AK9: variants seen among roughly 807,000 people sequenced by gnomAD.
AK9 encodes adenylate kinase 9, also known as adenylate kinase domain containing 1.
Under a neutral mutation model 239.6 loss-of-function variants are expected in AK9, and 191 were observed. The observed-to-expected ratio is 0.80, with a 90% CI of 0.71 to 0.90. AK9 has a LOEUF of 0.90. Among genes scored for constraint, AK9 ranks in the 40% least tolerant of loss-of-function variants. The pLI is 0.00. For synonymous variants in AK9, 689 were observed against 721.0 expected (o/e 0.96, Z 0.71); for missense variants, 1,995 against 2,214.7 (o/e 0.90, Z 1.99).
rs971476705 is a variant in AK9 at position 109,618,991 on chromosome 6, G to C, written c.1399+101C>G. ...GTTAAGAGTCTATAATGTGTAAAGT[G>C]CCAAGAATGCCAAGATGAGCTAAAC... On this transcript the variant is annotated intron_variant, in intron 13 of 40. Transcript: ENST00000424296. 1.0e-5 allele frequency: 13 copies of C among 1,284,290 alleles called. No individual in the cohort carries two copies. In the African/African-American group the frequency reaches 2.0e-4, roughly 20 times the overall value. 79.6% of individuals were successfully genotyped at this position (1,284,290 alleles called of 1,614,324 possible). A position where few individuals can be genotyped will look rare whatever the true frequency, so the allele number is the denominator to read the frequency against.
chr6:109,522,932 C>T (rs1162968970), intron 29 of AK9, among the ~76,000 whole-genome samples: 1 of 152,104 alleles, frequency 6.6e-6, no homozygotes, highest in Non-Finnish European at 1.5e-5. Flanking sequence ...TATCAACCAA[C>T]ATTCTGTGGA....
chr6:109,525,561 C>T (rs1780401817), intron 29 of AK9, among the ~76,000 whole-genome samples: 1 of 152,162 alleles, frequency 6.6e-6, no homozygotes, highest in African/African-American at 2.4e-5. Context: ...TGAAAAAATG[C>T]TCAATGTCAC....
At chr6:109,570,850 C>T (rs1312840650) in intron 21 of AK9, among the ~76,000 whole-genome samples, 2 of 152,074 alleles carry the variant, frequency 1.3e-5, no homozygotes, top group African/African-American at 2.4e-5. Context: ...AATGAATTCC[C>T]GGGTAAATCA....
chr6:109,551,087 A>C (rs1490234833), intron 24 of AK9, among the ~76,000 whole-genome samples: 1 of 152,224 alleles, frequency 6.6e-6, no homozygotes, highest in Non-Finnish European at 1.5e-5. Context: ...ATTTTTAAAA[A>C]TACAAAGGGA....
In AK9 at chr6:109,579,540, C is replaced by T. The variant is rs1174691193; in HGVS notation, c.2191+10G>A. ...ATGACACATCATCAGTCATAGCAATCTGTGCTTGCCTTTTGCCTTCACTTT... is the reference window on the plus strand; with the variant it reads ...ATGACACATCATCAGTCATAGCAATTTGTGCTTGCCTTTTGCCTTCACTTT... On this transcript the variant is annotated intron_variant, in intron 20 of 40. Coordinates refer to ENST00000424296, the MANE Select transcript of AK9 (RefSeq NM_001145128.3). 1.9e-6 allele frequency: 3 copies of T among 1,549,060 alleles called. No homozygotes were observed. The East Asian group carries it at 7.4e-5, about 38-fold the overall frequency.
chr6:109,570,948 A>G (rs1787337200), intron 21 of AK9, among the ~76,000 whole-genome samples: 1 of 152,178 alleles, frequency 6.6e-6, no homozygotes, highest in South Asian at 2.1e-4. Flanking sequence ...AAGAACAGAA[A>G]TGAGGGAATA....
At chr6:109,546,396 C>T (rs930831365) in intron 25 of AK9, among the ~76,000 whole-genome samples, 15 of 152,284 alleles carry the variant, frequency 9.9e-5, no homozygotes, top group African/African-American at 3.4e-4. Context: ...ATAGAGTTTA[C>T]TTATTTTTGT....
chr6:109,512,336 A>G (rs1778834778), intron 32 of AK9, among the ~76,000 whole-genome samples: 1 of 152,176 alleles, frequency 6.6e-6, no homozygotes, highest in Admixed American at 6.5e-5. Context: ...TGTTTAGCAT[A>G]TCATCAATAA....
chr6:109,506,190 A>G, intron 35 of AK9, 137 bp downstream of exon 35: 1 of 729,930 alleles, frequency 1.4e-6, no homozygotes, highest in Middle Eastern at 4.0e-4. Context: ...TATATATAGT[A>G]TTGGATAATA....
At position 109,506,435 on chromosome 6, in the gene AK9, A is replaced by G. The variant is rs1222905120; in HGVS notation, c.4741T>C (p.Tyr1581His). Residue 1581 changes from tyrosine to histidine, a missense_variant, in exon 35 of 41, where the codon TAT becomes CAT. Coordinates refer to ENST00000424296, the MANE Select transcript of AK9 (RefSeq NM_001145128.3). ...TTGCTGTGAAATCCATCAATCACAT[A>G]CCAGTTCTGATGCTGTTCTTGATAA... ...QYYQEQHQNW[Y>H]VIDGFHSKWW... The G allele has an allele frequency of 6.2e-7, 1 of 1,613,818 alleles. No homozygotes were observed. The highest frequency in any genetic ancestry group is 1.1e-5 in the South Asian group (1 of 91,064).
intron 10 of AK9, 129 bp from the exon 11 acceptor site, chr6:109,633,452 C>T: frequency 9.1e-7 from 1 of 1,093,914 alleles, no homozygotes; most frequent in Non-Finnish European, 1.3e-6. Context: ...GAAATTTTGG[C>T]TTTTTTCTTA....
rs1787685960 is a variant in AK9, at chr6:109,573,497, T to C, written c.2289A>G (p.Ser763=). ...ATGCTTCAAACTCCTCAGGTAACCA[T>C]GACCCTCGGGTATCGTGAGATGCCT... is the stretch of plus-strand genomic sequence containing the variant. ...EPEASHDTRG[S]WLPEEFEASE... is the part of the protein sequence containing the mutation. The change falls in exon 21 of 41, where the codon TCA becomes TCG. Residue 763 remains serine (S), a synonymous_variant. Transcript: ENST00000424296. The C allele has an allele frequency of 1.3e-6, 2 of 1,551,422 alleles. No homozygotes were observed. Among genetic ancestry groups the C allele is most frequent in the East Asian group, 2.4e-5 (1 of 40,926 alleles).
chr6:109,498,046 C>T, intron 36 of AK9, 81 bp from the exon 37 acceptor site: 1 of 1,367,608 alleles, frequency 7.3e-7, no homozygotes, highest in East Asian at 2.4e-5. Flanking sequence ...GGCTCTCCTG[C>T]ACCCTCCCCA....
intron 10 of AK9, among the ~76,000 whole-genome samples, chr6:109,635,137 T>A (rs1796556277): frequency 6.6e-6 from 1 of 151,902 alleles, no homozygotes; most frequent in Non-Finnish European, 1.5e-5. Context: ...AATAAACTCA[T>A]GAGGACGCAG....
rs533646935 is a variant in AK9, at chr6:109,659,550, G to A, written c.445-137C>T. Reference sequence around the variant, plus strand: ...CTGAGCAAATGCAATATTGTGACTGGCATTTTGCATCAGGTTTCATTACAT... The same window carrying A: ...CTGAGCAAATGCAATATTGTGACTGACATTTTGCATCAGGTTTCATTACAT... On this transcript the variant is annotated intron_variant, in intron 6 of 40. Coordinates refer to ENST00000424296, the MANE Select transcript of AK9 (RefSeq NM_001145128.3). The A allele has an allele frequency of 1.2e-5, 14 of 1,132,620 alleles. No homozygotes were observed. The Admixed American group carries it at 3.0e-4, about 24-fold the overall frequency. 70.2% of individuals were successfully genotyped at this position (1,132,620 alleles called of 1,614,324 possible). A position where few individuals can be genotyped will look rare whatever the true frequency, so the allele number is the denominator to read the frequency against.
rs770229619 is a variant in AK9, at chr6:109,499,240, C to T, written c.4850G>A (p.Gly1617Glu). 2 of 1,496,222 alleles carry T rather than the reference C, an allele frequency of 1.3e-6. No homozygotes were observed. The highest frequency in any genetic ancestry group is 2.3e-5 in the Admixed American group (1 of 43,234). The allele number at this position is 1,496,222 out of a possible 1,614,324, so 92.7% of individuals were successfully genotyped here. Residue 1617 changes from glycine (G) to glutamate (E), a missense_variant and splice_region_variant, in exon 36 of 41, where the codon GGA becomes GAA. Transcript: ENST00000424296. ...MQTYLERIKA[G>E]KAACIDKLCI... is the part of the protein sequence containing the mutation. ...TAACTTGTCAATGCAGGCAGCTTTT[C>T]CTATTATTAACATATTAACTATTAT...
chr6:109,656,926 G>A lies in AK9; in HGVS notation c.631-42C>T, dbSNP rs376853954. 3.4e-5 allele frequency: 54 copies of A among 1,602,662 alleles called. No individual in the cohort carries two copies. In the African/African-American group the frequency reaches 6.7e-4, roughly 20 times the overall value. On this transcript the variant is annotated intron_variant, in intron 7 of 40. Coordinates refer to ENST00000424296, the MANE Select transcript of AK9 (RefSeq NM_001145128.3). ...AGATTTCAAATATCTTTAGGTCAAT[G>A]ACTATTCAATTTACAAGCCATATTC...
intron 25 of AK9, among the ~76,000 whole-genome samples, chr6:109,547,734 A>C (rs969556625): frequency 6.6e-6 from 1 of 152,094 alleles, no homozygotes; most frequent in Non-Finnish European, 1.5e-5. Context: ...TATCACAAAG[A>C]AAATAACATA....
intron 5 of AK9, among the ~76,000 whole-genome samples, chr6:109,668,252 T>C (rs1412476089): frequency 6.6e-6 from 1 of 152,018 alleles, no homozygotes; most frequent in Non-Finnish European, 1.5e-5. Flanking sequence ...GGGGTTTTTT[T>C]TTTCTTGTAA....
Sources: allele counts gnomAD v4.1 joint callset (sites outside exome capture counted in the v4.1 genomes callset), GRCh38; gene constraint gnomAD v4.1.1; transcripts MANE v1.5; gene names NCBI Gene and HGNC (gene_info 2026-07-23, HGNC 2026-07-21).